Variants in SLC16A2 observed in about 807,000 individuals in gnomAD.
The protein encoded by SLC16A2 is solute carrier family 16 member 2.
Under a neutral mutation model 27.2 loss-of-function variants are expected in SLC16A2, and 3 were observed. The observed-to-expected ratio is 0.11, with a 90% confidence interval of 0.05 to 0.28. The LOEUF is 0.28. Ranked by LOEUF, SLC16A2 falls within the 10% of genes least tolerant of loss-of-function variation. SLC16A2 has a pLI of 1.00. For missense variants in SLC16A2, 295 were observed against 458.5 expected (o/e 0.64, Z 3.26); for synonymous variants, 202 against 187.8 (o/e 1.08, Z -0.62).
intron 1 of SLC16A2, among the ~76,000 whole-genome samples, chrX:74,480,160 A>G (rs1173994078): frequency 8.9e-6 from 1 of 111,801 alleles, no homozygotes; most frequent in Non-Finnish European, 1.9e-5. Context: ...CGCTTTGTTT[A>G]CCTACTCAAG....
intron 4 of SLC16A2, among the ~76,000 whole-genome samples, chrX:74,526,375 C>T (rs1930488076): frequency 9.0e-6 from 1 of 111,712 alleles, no homozygotes; most frequent in South Asian, 3.8e-4. Context: ...ACAAGTAATC[C>T]ATCAGGAAGG....
At chrX:74,448,087 C>T (rs1037548507) in intron 1 of SLC16A2, among the ~76,000 whole-genome samples, 3 of 111,551 alleles carry the variant, frequency 2.7e-5, no homozygotes, top group African/African-American at 6.5e-5. Flanking sequence ...CTAGAAAGTT[C>T]TCAGCAGTCA....
At chrX:74,477,208 G>T (rs1379059160) in intron 1 of SLC16A2, 3 of 111,957 alleles carry the variant, frequency 2.7e-5, no homozygotes, top group Non-Finnish European at 5.6e-5. Context: ...TTAGTCTTGG[G>T]AGGGTGTATG....
intron 1 of SLC16A2, among the ~76,000 whole-genome samples, chrX:74,489,259 A>T (rs1929779649): frequency 9.0e-6 from 1 of 111,561 alleles, no homozygotes; most frequent in Non-Finnish European, 1.9e-5. Context: ...ATATAAGGGT[A>T]TTTTTTACCA....
rs746353475 is a variant in SLC16A2, at chrX:74,504,971, CAG to C, written c.431-16016_431-16015del. 4.3e-3 allele frequency among the ~76,000 whole-genome samples: 478 copies of C among 111,846 alleles called. 1 individual carries two copies. Among genetic ancestry groups the C allele is most frequent in the African/African-American group, 0.015 (459 of 30,767 alleles). On this transcript the variant is annotated intron_variant, in intron 1 of 5. Transcript: ENST00000587091. The stretch of plus-strand genomic sequence containing the variant: ...TGCCACTGCACTCCAACCCGGGTGA[CAG>C]AGCAAGATCCTGTCTCAAACAAACA...
intron 1 of SLC16A2, among the ~76,000 whole-genome samples, chrX:74,461,805 A>T (rs1929151765): frequency 9.0e-6 from 1 of 111,532 alleles, no homozygotes; most frequent in African/African-American, 3.3e-5. Context: ...GTTACCAGAA[A>T]CCACTCCAGA....
Position 74,525,989 on chromosome X carries a change from C to T in SLC16A2, c.1170+96C>T, listed in dbSNP as rs983776264. 9.9e-5 allele frequency: 99 copies of T among 1,000,036 alleles called. No homozygotes were observed. In the South Asian group the frequency reaches 1.9e-3, roughly 19 times the overall value. The allele number at this position is 1,000,036 out of a possible 1,213,427, so 82.4% of individuals were successfully genotyped here. On this transcript the variant is annotated intron_variant, in intron 4 of 5. Transcript: ENST00000587091. ...GGGATAGAATGGTAGCTTGTTGTGT[C>T]GCATGGGAAAGTCAATCAAATTCTC...
At position 74,427,803 on chromosome X, in the gene SLC16A2, A is replaced by ACGCG. The variant is rs201603759; in HGVS notation, c.430+5742_430+5745dup. On this transcript the variant is annotated intron_variant, in intron 1 of 5. Coordinates refer to ENST00000587091, the MANE Select transcript of SLC16A2 (RefSeq NM_006517.5). Reference sequence around the variant, plus strand: ...TGCGCAAGCGCATGCGCACGCGTGCACGCGCGCGCACACACACACACACAC... The same window carrying ACGCG: ...TGCGCAAGCGCATGCGCACGCGTGCACGCGCGCGCGCGCACACACACACACACAC... 2.8e-4 allele frequency among the ~76,000 whole-genome samples: 20 copies of ACGCG among 72,334 alleles called. 1 individual carries two copies. The highest frequency in any genetic ancestry group is 1.1e-3 in the African/African-American group (20 of 18,737). The allele number at this position is 72,334 out of a possible 115,157, so 62.8% of individuals were successfully genotyped here. A position where few individuals can be genotyped will look rare whatever the true frequency, so the allele number is the denominator to read the frequency against.
At chrX:74,527,544 T>G (rs748139420) in intron 4 of SLC16A2, among the ~76,000 whole-genome samples, 1 of 112,053 alleles carries the variant, frequency 8.9e-6, no homozygotes, top group Non-Finnish European at 1.9e-5. Context: ...CAAGCACATA[T>G]CTCTGGCTTC....
intron 1 of SLC16A2, among the ~76,000 whole-genome samples, chrX:74,489,301 C>T (rs1266852953): frequency 9.0e-6 from 1 of 111,430 alleles, no homozygotes; most frequent in Non-Finnish European, 1.9e-5. Flanking sequence ...TTCATTAAAC[C>T]AGCAATATTC....
At chrX:74,436,506 T>C (rs780994852) in intron 1 of SLC16A2, among the ~76,000 whole-genome samples, 80 of 111,896 alleles carry the variant, frequency 7.1e-4, no homozygotes, top group Non-Finnish European at 2.6e-4. Context: ...AAACTCTCTG[T>C]GCCTCTATTT....
chrX:74,470,490 G>C (rs766496524), intron 1 of SLC16A2, among the ~76,000 whole-genome samples: 128 of 111,909 alleles, frequency 1.1e-3, no homozygotes, highest in African/African-American at 4.0e-3. Flanking sequence ...ATTTGGTGTT[G>C]TCAGTGTTTT....
chrX:74,490,297 T>C (rs1426630492), intron 1 of SLC16A2, among the ~76,000 whole-genome samples: 1 of 109,739 alleles, frequency 9.1e-6, no homozygotes. Flanking sequence ...ATAAAACCAA[T>C]GGAGTGCCCC....
At chrX:74,522,621 G>A (rs1930424758) in intron 2 of SLC16A2, among the ~76,000 whole-genome samples, 1 of 111,790 alleles carries the variant, frequency 8.9e-6, no homozygotes, top group Non-Finnish European at 1.9e-5. Context: ...AAGTGTAAAC[G>A]GATTAGCAAC....
In SLC16A2 at chrX:74,501,590, GC is replaced by G. The variant is rs958905262; in HGVS notation, c.431-19393del. 7.2e-5 allele frequency among the ~76,000 whole-genome samples: 8 copies of G among 111,009 alleles called. No individual in the cohort carries two copies. The East Asian group carries it at 2.3e-3, about 31-fold the overall frequency. On this transcript the variant is annotated intron_variant, in intron 1 of 5. Transcript: ENST00000587091. ...GTGCTGCTACTGCTGTCTCTGGTGGGCCCCCCCTCTGCTCCAGCAAAAGTTA... is the reference window on the plus strand; with the variant it reads ...GTGCTGCTACTGCTGTCTCTGGTGGGCCCCCCTCTGCTCCAGCAAAAGTTA...
At chrX:74,471,360 C>A (rs1402789404) in intron 1 of SLC16A2, among the ~76,000 whole-genome samples, 5 of 111,971 alleles carry the variant, frequency 4.5e-5, no homozygotes, top group Non-Finnish European at 9.4e-5. Context: ...TCTCTGATGG[C>A]TCTAAGAACA....
intron 4 of SLC16A2, among the ~76,000 whole-genome samples, chrX:74,526,358 A>G (rs1602142562): frequency 9.0e-6 from 1 of 111,569 alleles, no homozygotes; most frequent in East Asian, 2.8e-4. Context: ...CCCAAAATCA[A>G]GTAGTCACAA....
chrX:74,485,461 G>A (rs1183254674), intron 1 of SLC16A2, among the ~76,000 whole-genome samples: 1 of 109,930 alleles, frequency 9.1e-6, no homozygotes, highest in Non-Finnish European at 1.9e-5. Flanking sequence ...AGAAGGCCTT[G>A]TCACAAGGTA....
At chrX:74,473,067 C>A (rs1929388199) in intron 1 of SLC16A2, 2 of 527,390 alleles carry the variant, frequency 3.8e-6, no homozygotes. Context: ...ACCATCATAG[C>A]CACCTTGGTT....
Sources: allele counts gnomAD v4.1 joint callset (sites outside exome capture counted in the v4.1 genomes callset), GRCh38; gene constraint gnomAD v4.1.1; transcripts MANE v1.5; gene names NCBI Gene and HGNC (gene_info 2026-07-23, HGNC 2026-07-21).